Variants in NCKAP5 observed in about 807,000 individuals in gnomAD.
NCKAP5 encodes the protein NCK associated protein 5.
NCKAP5 carries 92 observed loss-of-function variants against 167.0 expected under a neutral mutation model. That is an observed-to-expected ratio of 0.55 (90% CI 0.47 to 0.66). The LOEUF is 0.66. Ranked by LOEUF, NCKAP5 falls within the 30% of genes least tolerant of loss-of-function variation. The probability of loss-of-function intolerance (pLI) is 0.00; values close to 1 mark genes in which losing one functional copy is unlikely to be tolerated. For synonymous variants in NCKAP5, 891 were observed against 877.4 expected (o/e 1.02, Z -0.27); for missense variants, 2,378 against 2,315.0 (o/e 1.03, Z -0.56).
At chr2:133,249,753 C>T (rs1284159287) in intron 4 of NCKAP5, among the ~76,000 whole-genome samples, 1 of 151,860 alleles carries the variant, frequency 6.6e-6, no homozygotes. Context: ...CCAATAACTA[C>T]AAATATAATG....
intron 8 of NCKAP5, among the ~76,000 whole-genome samples, chr2:132,880,755 A>T (rs7562880): frequency 0.59 from 90,181 of 152,074 alleles, 27,481 homozygotes; most frequent in East Asian, 0.81. Context: ...ACAGAAAATA[A>T]TATGTATCAA....
At chr2:133,091,996 G>A (rs1318297398) in intron 6 of NCKAP5, among the ~76,000 whole-genome samples, 1 of 152,166 alleles carries the variant, frequency 6.6e-6, no homozygotes, top group Non-Finnish European at 1.5e-5. Flanking sequence ...TCTAGATACT[G>A]TACTTACAAT....
At chr2:132,988,557 C>T (rs2077363378) in intron 7 of NCKAP5, among the ~76,000 whole-genome samples, 1 of 149,858 alleles carries the variant, frequency 6.7e-6, no homozygotes. Context: ...GGCGATCTTT[C>T]TGCACTGGTG....
intron 4 of NCKAP5, among the ~76,000 whole-genome samples, 153 bp from the exon 5 acceptor site, chr2:133,213,932 AT>A (rs1436988509): frequency 6.6e-6 from 1 of 152,138 alleles, no homozygotes; most frequent in African/African-American, 2.4e-5. Context: ...ATTTAAACTG[AT>A]TGGTCATGAA....
In NCKAP5 at chr2:133,216,720, T is replaced by A. The variant is rs146063459; in HGVS notation, c.144-2941A>T. Reference sequence around the variant, plus strand: ...CTTATCTTCCATAATAGAAAGATAATACATAATGTTTAAAAGTGATATAGA... The same window carrying A: ...CTTATCTTCCATAATAGAAAGATAAAACATAATGTTTAAAAGTGATATAGA... On this transcript the variant is annotated intron_variant, in intron 4 of 19. Coordinates refer to ENST00000409261, the MANE Select transcript of NCKAP5 (RefSeq NM_207363.3). Among the ~76,000 whole-genome samples the A allele has an allele frequency of 7.5e-4, 114 of 152,206 alleles. 1 individual carries two copies. Among genetic ancestry groups the A allele is most frequent in the African/African-American group, 2.6e-3 (109 of 41,558 alleles).
intron 8 of NCKAP5, among the ~76,000 whole-genome samples, chr2:132,910,349 C>G (rs1008824727): frequency 1.3e-5 from 2 of 151,936 alleles, no homozygotes; most frequent in African/African-American, 4.8e-5. Flanking sequence ...TATAGTAGCT[C>G]TTACACATTC....
At chr2:133,487,643 T>G (rs1681029418) in intron 3 of NCKAP5, among the ~76,000 whole-genome samples, 1 of 152,142 alleles carries the variant, frequency 6.6e-6, no homozygotes, top group Admixed American at 6.6e-5. Flanking sequence ...TATTTATGTA[T>G]CAGTCCCCTG....
At chr2:132,794,263 TAGAGAGAGAGAGAGAGAGAG>T (rs70973407) in intron 12 of NCKAP5, among the ~76,000 whole-genome samples, 4 of 11,918 alleles carry the variant, frequency 3.4e-4, no homozygotes, top group African/African-American at 9.0e-4. Context: ...TATATATATA[TAGAGAGAGAGAGAGAGAGAG>T]AGAGAGAGAG....
chr2:133,576,680 CTGAG>C, the NCKAP5 span, among the ~76,000 whole-genome samples: 1 of 152,156 alleles, frequency 6.6e-6, no homozygotes, highest in African/African-American at 2.4e-5. Flanking sequence ...CGCTGTTTGT[CTGAG>C]TGAGAGGGGG....
intron 5 of NCKAP5, among the ~76,000 whole-genome samples, chr2:133,179,939 A>T (rs78670351): frequency 2.1e-3 from 284 of 132,406 alleles, no homozygotes; most frequent in African/African-American, 7.8e-3. Context: ...AAGAATAGAT[A>T]AAAAAAAAAT....
At chr2:133,422,180 C>G (rs1262793309) in intron 3 of NCKAP5, among the ~76,000 whole-genome samples, 1 of 152,212 alleles carries the variant, frequency 6.6e-6, no homozygotes, top group African/African-American at 2.4e-5. Flanking sequence ...AGAGTGACAT[C>G]TCTAATGGAC....
At chr2:133,277,425 A>T (rs2089773537) in intron 4 of NCKAP5, among the ~76,000 whole-genome samples, 1 of 152,174 alleles carries the variant, frequency 6.6e-6, no homozygotes, top group African/African-American at 2.4e-5. Context: ...AGCAACAGAG[A>T]TGAATAAATA....
chr2:133,479,354 G>A (rs1006045510), intron 3 of NCKAP5, among the ~76,000 whole-genome samples: 1 of 152,138 alleles, frequency 6.6e-6, no homozygotes, highest in African/African-American at 2.4e-5. Flanking sequence ...CTTTGCTAAC[G>A]AAGTAACCAA....
At chr2:133,300,648 T>C (rs1489472359) in intron 4 of NCKAP5, among the ~76,000 whole-genome samples, 1 of 124,248 alleles carries the variant, frequency 8.0e-6, no homozygotes, top group Non-Finnish European at 1.7e-5. Context: ...AAGAGCTATC[T>C]ATGACAAACC....
At chr2:133,400,145 G>A (rs1012989849) in intron 3 of NCKAP5, among the ~76,000 whole-genome samples, 2 of 151,934 alleles carry the variant, frequency 1.3e-5, no homozygotes, top group Non-Finnish European at 2.9e-5. Flanking sequence ...TCCTTTTACA[G>A]ATTTATGCAT....
chr2:132,802,713 G>A (rs1030182626), intron 11 of NCKAP5, among the ~76,000 whole-genome samples: 8 of 152,126 alleles, frequency 5.3e-5, no homozygotes, highest in African/African-American at 1.7e-4. Flanking sequence ...TCACAGGTAC[G>A]CATAAGGATC....
At chr2:133,078,460 G>A (rs532370024) in intron 6 of NCKAP5, among the ~76,000 whole-genome samples, 1 of 152,218 alleles carries the variant, frequency 6.6e-6, no homozygotes, top group South Asian at 2.1e-4. Flanking sequence ...TACAGTTTTT[G>A]TCAGAGCCAA....
intron 3 of NCKAP5, among the ~76,000 whole-genome samples, chr2:133,476,013 AAAG>A (rs140553816): frequency 0.025 from 3,743 of 152,330 alleles, 145 homozygotes; most frequent in African/African-American, 0.085. Flanking sequence ...TGTGCCAGAC[AAAG>A]AAGAAGTCAA....
chr2:132,949,556 G>C (rs965932004), intron 8 of NCKAP5, among the ~76,000 whole-genome samples: 3 of 152,178 alleles, frequency 2.0e-5, no homozygotes, highest in African/African-American at 7.2e-5. Flanking sequence ...TCTCCAGACA[G>C]ACCCTGAGCT....
Sources: allele counts gnomAD v4.1 joint callset (sites outside exome capture counted in the v4.1 genomes callset), GRCh38; gene constraint gnomAD v4.1.1; transcripts MANE v1.5; gene names NCBI Gene and HGNC (gene_info 2026-07-23, HGNC 2026-07-21).